FAAP20: variants seen among roughly 807,000 people sequenced by gnomAD.
The protein encoded by FAAP20 is FA core complex associated protein 20.
Under a neutral mutation model 16.2 loss-of-function variants are expected in FAAP20, and 12 were observed. The observed-to-expected ratio is 0.74, with a 90% CI of 0.48 to 1.20. The LOEUF (loss-of-function observed/expected upper bound fraction) is 1.20. Among genes scored for constraint, FAAP20 ranks in the 50% most tolerant of loss-of-function variants. The pLI is 0.00. For missense variants in FAAP20, 288 were observed against 245.8 expected (o/e 1.17, Z -1.15); for synonymous variants, 141 against 110.7 (o/e 1.27, Z -1.72).
upstream of FAAP20, chr1:2,198,106 C>T (rs757063613): frequency 2.3e-6 from 3 of 1,291,208 alleles, no homozygotes; most frequent in Non-Finnish European, 3.0e-6. Flanking sequence ...CGCTCCACTT[C>T]TTCGGAGCCA....
At chr1:2,204,133 C>T (rs1489180989), upstream of FAAP20, among the ~76,000 whole-genome samples, 1 of 152,254 alleles carries the variant, frequency 6.6e-6, no homozygotes, top group East Asian at 1.9e-4. Flanking sequence ...TTGCTGGCCT[C>T]CACAGACCCT....
chr1:2,211,399 TTA>T (rs1158545722), downstream of FAAP20, among the ~76,000 whole-genome samples: 386 of 20,992 alleles, frequency 0.018, 9 homozygotes, highest in East Asian at 0.023. Context: ...CTGGCTAATT[TTA>T]TATATATATA....
downstream of FAAP20, among the ~76,000 whole-genome samples, chr1:2,211,954 G>C (rs1425542027): frequency 1.4e-5 from 2 of 144,070 alleles, no homozygotes; most frequent in Non-Finnish European, 3.0e-5. Context: ...CCAGGCTGGA[G>C]TGCAGTAGTG....
upstream of FAAP20, among the ~76,000 whole-genome samples, chr1:2,204,824 C>T (rs974467747): frequency 6.6e-6 from 1 of 152,086 alleles, no homozygotes; most frequent in African/African-American, 2.4e-5. Context: ...CACCTCAGAC[C>T]CGAGCTAGCT....
intron 3 of FAAP20, chr1:2,191,740 CA>C (rs537217585): frequency 0.14 from 79,095 of 577,078 alleles, 1 homozygote; most frequent in Non-Finnish European, 0.15. Flanking sequence ...GACACCGTCT[CA>C]AAAAAAAAAA....
chr1:2,201,582 C>T (rs1377143949), upstream of FAAP20, among the ~76,000 whole-genome samples: 1 of 152,128 alleles, frequency 6.6e-6, no homozygotes, highest in East Asian at 1.9e-4. Flanking sequence ...TTTAGCCGGG[C>T]GTGGTGCCGT....
upstream of FAAP20, chr1:2,212,601 A>C (rs1340896088): frequency 5.8e-6 from 1 of 171,018 alleles, no homozygotes; most frequent in East Asian, 1.8e-4. Flanking sequence ...GCCGCCTGGA[A>C]TCTGCTGTTT....
chr1:2,211,223 TTTC>T (rs1244305668), downstream of FAAP20, among the ~76,000 whole-genome samples: 3 of 132,904 alleles, frequency 2.3e-5, no homozygotes, highest in East Asian at 2.1e-4. Context: ...TTTTTCTTTC[TTTC>T]TTTTTTTTTT....
At chr1:2,186,491 C>A (rs1363354706), downstream of FAAP20, among the ~76,000 whole-genome samples, 7 of 124,130 alleles carry the variant, frequency 5.6e-5, no homozygotes, top group African/African-American at 9.1e-5. Flanking sequence ...AGACCCTGGA[C>A]ACCCGCCCCC....
chr1:2,204,174 G>A (rs762213143), upstream of FAAP20, among the ~76,000 whole-genome samples: 3 of 152,254 alleles, frequency 2.0e-5, no homozygotes, highest in Non-Finnish European at 2.9e-5. Context: ...AACACCCAGC[G>A]GCTGCACTGC....
upstream of FAAP20, chr1:2,199,516 G>C: frequency 5.1e-6 from 5 of 986,506 alleles, no homozygotes; most frequent in Non-Finnish European, 6.0e-6. The surrounding 1 kb of genome is among the most constrained non-coding windows in gnomAD (Gnocchi z 4.5). Flanking sequence ...TCTGTTCCCT[G>C]GGAAGCCTCT....
downstream of FAAP20, among the ~76,000 whole-genome samples, chr1:2,208,273 C>A (rs1048220656): frequency 6.6e-6 from 1 of 152,104 alleles, no homozygotes; most frequent in African/African-American, 2.4e-5. Context: ...GGGGTGTCCT[C>A]TCAGCCCTGC....
rs1688717490 is a variant in FAAP20, at chr1:2,194,765, G to A, written c.-16C>T. 2 of 1,175,878 alleles carry A rather than the reference G, an allele frequency of 1.7e-6. No individual in the cohort carries two copies. The highest frequency in any genetic ancestry group is 1.6e-5 in the African/African-American group (1 of 61,924). 72.8% of individuals were successfully genotyped at this position (1,175,878 alleles called of 1,614,324 possible). On this transcript the variant is annotated 5_prime_UTR_variant, in exon 1 of 4. Coordinates refer to ENST00000378546, the MANE Select transcript of FAAP20 (RefSeq NM_182533.4). ...CCGCCTCCATCCAAGCCCGCGCCGG[G>A]CGGAAGTGAGCGCAAGCCCCGCCCC... is the stretch of plus-strand genomic sequence containing the variant.
chr1:2,207,908 C>CTG (rs1557795318), downstream of FAAP20, among the ~76,000 whole-genome samples: 1 of 68,684 alleles, frequency 1.5e-5, no homozygotes, highest in East Asian at 4.7e-4. Context: ...TTGGTAACAC[C>CTG]CGTGTGTGTG....
intron 3 of FAAP20, chr1:2,191,796 C>CA (rs2100662015): frequency 1.0e-6 from 1 of 980,920 alleles, no homozygotes; most frequent in South Asian, 4.7e-5. Context: ...TCAACAGAGA[C>CA]AAAACGCAGC....
chr1:2,199,313 A>G (rs115732862), upstream of FAAP20: 143 of 1,061,970 alleles, frequency 1.3e-4, no homozygotes, highest in Non-Finnish European at 1.6e-4. This position sits in a 1 kb window ranked among gnomAD's most constrained non-coding sequence, Gnocchi z 4.5. Context: ...CAGCTTCCGC[A>G]CCACTCAGCC....
At chr1:2,208,510 C>A (rs1012410318), downstream of FAAP20, among the ~76,000 whole-genome samples, 2 of 152,192 alleles carry the variant, frequency 1.3e-5, no homozygotes, top group African/African-American at 4.8e-5. Context: ...GGTGGACCCG[C>A]GTGCGGAAGG....
chr1:2,203,324 C>T (rs998458451), upstream of FAAP20: 2 of 756,854 alleles, frequency 2.6e-6, no homozygotes, highest in African/African-American at 1.9e-5. Flanking sequence ...TCCCCCCAGG[C>T]TTCTCCATAG....
chr1:2,205,125 C>A (rs34768976), intron 3 of FAAP20, among the ~76,000 whole-genome samples: 907 of 27,450 alleles, frequency 0.033, 121 homozygotes, highest in South Asian at 0.068. Context: ...CCCAGGCGCC[C>A]CACGCCCCAC....
Sources: allele counts gnomAD v4.1 joint callset (sites outside exome capture counted in the v4.1 genomes callset), GRCh38; gene constraint gnomAD v4.1.1; non-coding constraint Gnocchi (gnomAD v3.1); transcripts MANE v1.5; gene names NCBI Gene and HGNC (gene_info 2026-07-23, HGNC 2026-07-21).